The following ARHGAP6 variants were observed in gnomAD, a reference collection of about 807,000 sequenced individuals.
ARHGAP6 encodes rho GTPase-activating protein 6.
ARHGAP6 carries 16 observed loss-of-function variants against 55.7 expected under a neutral mutation model. The ratio of observed to expected loss-of-function variants is 0.29; its 90% confidence interval spans 0.19 to 0.44. The LOEUF (loss-of-function observed/expected upper bound fraction) is 0.44, where lower values mean the gene tolerates loss of function less well. Among genes scored for constraint, ARHGAP6 ranks in the 20% least tolerant of loss-of-function variants. The pLI, the probability that ARHGAP6 is intolerant of heterozygous loss-of-function variation, is 1.00. For missense variants in ARHGAP6, 698 were observed against 808.9 expected, an observed-to-expected ratio of 0.86 and a Z score of 1.66; for synonymous variants, 382 against 360.9, an observed-to-expected ratio of 1.06 and a Z score of -0.66.
chrX:11,246,902 A>G lies in ARHGAP6; in HGVS notation c.748+7646T>C, dbSNP rs1478913584. Among the ~76,000 whole-genome samples, 3 of 112,335 alleles carry G rather than the reference A, an allele frequency of 2.7e-5. No individual in the cohort carries two copies. In the East Asian group the frequency reaches 8.3e-4, roughly 31 times the overall value. Reference sequence around the variant, plus strand: ...CACCTCTTCAACTGGGCATTGCCAGAAAGAATAACAGAAATAGGACAGTTA... The same window carrying G: ...CACCTCTTCAACTGGGCATTGCCAGGAAGAATAACAGAAATAGGACAGTTA... On this transcript the variant is annotated intron_variant, in intron 2 of 12. Transcript: ENST00000337414.
Position 11,142,284 on chromosome X carries a change from C to T in ARHGAP6, c.2206G>A (p.Gly736Arg), listed in dbSNP as rs749680838. ...DLSEEPFDIW[G>R]TWHSTLKSGS... is the part of the protein sequence containing the mutation. ...CTTTTTAATGTTGAATGCCAAGTTCCCCAGATATCGAAAGGCTCCTCTGAC... is the reference window on the plus strand; with the variant it reads ...CTTTTTAATGTTGAATGCCAAGTTCTCCAGATATCGAAAGGCTCCTCTGAC... The change falls in exon 12 of 13, where the codon GGA becomes AGA. Residue 736 changes from glycine to arginine, a missense_variant. Coordinates refer to ENST00000337414, the MANE Select transcript of ARHGAP6 (RefSeq NM_013427.3). 14 of 1,199,397 alleles carry T rather than the reference C, an allele frequency of 1.2e-5. No individual in the cohort carries two copies. The African/African-American group carries it at 2.1e-4, about 18-fold the overall frequency.
intron 1 of ARHGAP6, among the ~76,000 whole-genome samples, chrX:11,606,896 C>T (rs971217451): frequency 1.8e-5 from 2 of 111,503 alleles, no homozygotes; most frequent in African/African-American, 3.3e-5. Context: ...ATTACAAATC[C>T]CACGTTACAA....
In ARHGAP6 at chrX:11,156,579, G is replaced by T; in HGVS notation, c.1857C>A (p.Thr619=). The T allele has an allele frequency of 8.3e-7, 1 of 1,211,197 alleles. No homozygotes were observed. The highest frequency in any genetic ancestry group is 1.8e-5 in the South Asian group (1 of 56,827). The change falls in exon 10 of 13, where the codon ACC becomes ACA. Residue 619 remains threonine, a synonymous_variant. Coordinates refer to ENST00000337414, the MANE Select transcript of ARHGAP6 (RefSeq NM_013427.3). Reference sequence around the variant, plus strand: ...GTAAATAGTCCACGACATCAGGATCGGTCTCTAACAGGCTGATCAGCACTT... The same window carrying T: ...GTAAATAGTCCACGACATCAGGATCTGTCTCTAACAGGCTGATCAGCACTT... ...QNEVLISLLE[T]DPDVVDYLLR...
At chrX:11,397,665 G>A (rs1022656096) in intron 1 of ARHGAP6, among the ~76,000 whole-genome samples, 4 of 111,405 alleles carry the variant, frequency 3.6e-5, no homozygotes, top group African/African-American at 9.8e-5. Flanking sequence ...GATCACTTGC[G>A]CCCAGGATGA....
At chrX:11,367,997 T>A (rs937982554) in intron 1 of ARHGAP6, among the ~76,000 whole-genome samples, 1 of 112,666 alleles carries the variant, frequency 8.9e-6, no homozygotes, top group Admixed American at 9.4e-5. Context: ...GACTACACTG[T>A]TCTCCTCTTT....
chrX:11,371,427 A>C (rs1380922463), intron 1 of ARHGAP6, among the ~76,000 whole-genome samples: 1 of 112,364 alleles, frequency 8.9e-6, no homozygotes, highest in Admixed American at 9.4e-5. Flanking sequence ...TAAAATATTT[A>C]CTATCTGGTC....
intron 10 of ARHGAP6, among the ~76,000 whole-genome samples, chrX:11,151,867 G>GA (rs1026887335): frequency 7.3e-5 from 8 of 109,727 alleles, no homozygotes; most frequent in Non-Finnish European, 1.3e-4. Context: ...GAAGCTTCAG[G>GA]AAAAAAAAAT....
chrX:11,318,134 T>C (rs928301132), intron 1 of ARHGAP6, among the ~76,000 whole-genome samples: 8 of 112,582 alleles, frequency 7.1e-5, no homozygotes, highest in African/African-American at 2.6e-4. Context: ...AGACTTCCTG[T>C]CATTTCCAAA....
chrX:11,184,179 G>GT (rs1355398761), intron 5 of ARHGAP6, among the ~76,000 whole-genome samples: 2 of 112,287 alleles, frequency 1.8e-5, no homozygotes, highest in South Asian at 7.4e-4. Flanking sequence ...GCTTAATCTA[G>GT]TTTTTTCTGA....
chrX:11,480,283 T>C (rs768848282), intron 1 of ARHGAP6, among the ~76,000 whole-genome samples: 2 of 111,982 alleles, frequency 1.8e-5, no homozygotes, highest in East Asian at 5.6e-4. Flanking sequence ...AGATATATGA[T>C]ACGACATGGA....
At position 11,258,441 on chromosome X, in the gene ARHGAP6, G is replaced by A. The variant is rs190576341; in HGVS notation, c.589-3734C>T. On this transcript the variant is annotated intron_variant, in intron 1 of 12. Transcript: ENST00000337414. ...GGAATTATGTTTGCAGGGGGAGAAG[G>A]AAGATCACCCAGTTTTGGACATGGT... Among the ~76,000 whole-genome samples, 201 of 110,267 alleles carry A rather than the reference G, an allele frequency of 1.8e-3. 3 individuals are homozygous for A. The East Asian group carries it at 0.023, about 12-fold the overall frequency.
chrX:11,588,472 G>A (rs1206156725), intron 1 of ARHGAP6, among the ~76,000 whole-genome samples: 1 of 112,026 alleles, frequency 8.9e-6, no homozygotes, highest in Non-Finnish European at 1.9e-5. Flanking sequence ...ATACATAAAT[G>A]TTCATAGCAG....
chrX:11,571,044 T>C (rs1170219673), intron 1 of ARHGAP6, among the ~76,000 whole-genome samples: 1 of 111,756 alleles, frequency 8.9e-6, no homozygotes, highest in Non-Finnish European at 1.9e-5. Flanking sequence ...ATCATTTTTA[T>C]GTAGACAGCA....
intron 1 of ARHGAP6, among the ~76,000 whole-genome samples, chrX:11,372,475 G>A (rs1256226554): frequency 1.8e-5 from 2 of 111,030 alleles, no homozygotes; most frequent in Admixed American, 1.9e-4. Context: ...GTACAGAATG[G>A]TTAAGAAATT....
At chrX:11,513,177 A>G (rs2050801010) in intron 1 of ARHGAP6, among the ~76,000 whole-genome samples, 1 of 111,204 alleles carries the variant, frequency 9.0e-6, no homozygotes. Context: ...CTCTTATCTA[A>G]TGGTTTAGGG....
intron 1 of ARHGAP6, among the ~76,000 whole-genome samples, chrX:11,578,690 A>G (rs1412101060): frequency 2.7e-5 from 3 of 111,804 alleles, no homozygotes; most frequent in African/African-American, 9.8e-5. Context: ...GTATATACCC[A>G]AAGGATTATG....
At chrX:11,341,481 A>G (rs999885156) in intron 1 of ARHGAP6, among the ~76,000 whole-genome samples, 10 of 112,621 alleles carry the variant, frequency 8.9e-5, no homozygotes, top group Non-Finnish European at 1.3e-4. Context: ...TAATCATGTG[A>G]TAAAATGTCA....
chrX:11,277,279 G>C (rs766682257), intron 1 of ARHGAP6, among the ~76,000 whole-genome samples: 87 of 111,322 alleles, frequency 7.8e-4, no homozygotes, highest in Non-Finnish European at 1.6e-3. Flanking sequence ...CCATTCTTCA[G>C]TTGATGGGCA....
intron 1 of ARHGAP6, among the ~76,000 whole-genome samples, chrX:11,523,633 A>G (rs1418857633): frequency 8.9e-6 from 1 of 111,854 alleles, no homozygotes; most frequent in Non-Finnish European, 1.9e-5. Context: ...GAATTCTCCT[A>G]TGGAGTCTGC....
Sources: gnomAD v4.1 joint callset for allele counts (sites outside exome capture counted in the v4.1 genomes callset) on GRCh38, gnomAD v4.1.1 for gene constraint, MANE v1.5 for transcripts, NCBI Gene and HGNC (gene_info 2026-07-23, HGNC 2026-07-21) for gene names.